ZNF35: variants seen among roughly 807,000 people sequenced by gnomAD.
ZNF35 encodes zinc finger protein 35 (clone HF.10).
ZNF35 carries 31 observed loss-of-function variants against 45.9 expected under a neutral mutation model. The observed-to-expected ratio is 0.68, with a 90% CI of 0.51 to 0.91. The LOEUF (loss-of-function observed/expected upper bound fraction) is 0.91. Ranked by LOEUF, ZNF35 falls within the 40% of genes least tolerant of loss-of-function variation. The probability of loss-of-function intolerance (pLI) is 0.00; values close to 1 mark genes in which losing one functional copy is unlikely to be tolerated. For missense variants in ZNF35, 515 were observed against 625.4 expected (o/e 0.82, Z 1.88); for synonymous variants, 205 against 220.2 (o/e 0.93, Z 0.61).
Position 44,651,044 on chromosome 3 carries a change from G to A in ZNF35, c.-24G>A. The A allele has an allele frequency of 6.2e-7, 1 of 1,608,560 alleles. No homozygotes were observed. The highest frequency in any genetic ancestry group is 8.5e-7 in the Non-Finnish European group (1 of 1,178,396). ...TCTGCAGGGCAGCGCCCAGCTATAG[G>A]AGTTCCCCTGCTGAGCAGAGAAGAT... On this transcript the variant is annotated 5_prime_UTR_variant, in exon 2 of 4. Transcript: ENST00000396056.
At chr3:44,650,795 T>A (rs1031754304) in intron 1 of ZNF35, 146 bp from the exon 2 acceptor site, 6 of 337,868 alleles carry the variant, frequency 1.8e-5, no homozygotes, top group African/African-American at 1.3e-4. Context: ...CCCTTCATCC[T>A]ATGAGGGAGG....
chr3:44,649,029 A>C (rs899139517), intron 1 of ZNF35, among the ~76,000 whole-genome samples, 195 bp downstream of exon 1: 2 of 152,152 alleles, frequency 1.3e-5, no homozygotes, highest in Non-Finnish European at 2.9e-5. Context: ...GGTCCGGGAG[A>C]GGATGCACAC....
At chr3:44,657,260 C>T (rs1389620779) in intron 3 of ZNF35, among the ~76,000 whole-genome samples, 2 of 152,182 alleles carry the variant, frequency 1.3e-5, no homozygotes, top group African/African-American at 4.8e-5. Flanking sequence ...GGGTGCTAGT[C>T]TCTCCCCTGC....
intron 2 of ZNF35, 23 bp from the exon 3 acceptor site, chr3:44,652,534 A>G (rs1383627150): frequency 1.3e-6 from 2 of 1,540,328 alleles, no homozygotes; most frequent in African/African-American, 2.8e-5. Context: ...TTCCCTCTTA[A>G]ACATGTGCCT....
chr3:44,656,346 G>A (rs1265660604), intron 3 of ZNF35, among the ~76,000 whole-genome samples: 6 of 150,704 alleles, frequency 4.0e-5, no homozygotes, highest in Admixed American at 6.6e-5. Flanking sequence ...GAGGGAGCTA[G>A]CAGAACAGTA....
intron 3 of ZNF35, among the ~76,000 whole-genome samples, chr3:44,655,910 A>G (rs766675096): frequency 4.0e-4 from 61 of 152,220 alleles, no homozygotes; most frequent in Non-Finnish European, 8.1e-4. Flanking sequence ...GGAGGGTAGG[A>G]GTGAAAGTCA....
chr3:44,646,612 A>C, upstream of ZNF35: 5 of 801,726 alleles, frequency 6.2e-6, no homozygotes, highest in South Asian at 7.2e-5. Context: ...TATTATGATG[A>C]AAAAGAGAGG....
chr3:44,659,315 A>G lies in ZNF35; in HGVS notation c.952A>G (p.Ser318Gly). 1 of 1,614,152 alleles carries G rather than the reference A, an allele frequency of 6.2e-7. No homozygotes were observed. The highest frequency in any genetic ancestry group is 1.1e-5 in the South Asian group (1 of 91,064). The change falls in exon 4 of 4, where the codon AGC (serine) becomes GGC (glycine). Residue 318 changes from serine to glycine, a missense_variant. Physicochemically the swap from Ser to Gly is moderately conservative, Grantham distance 56. Around this residue, in one of 3 missense-constraint regions of ZNF35, gnomAD observed 232 missense variants for 304.6 expected, o/e 0.76. Transcript: ENST00000396056. The surrounding 1 kb of genome is among the most constrained non-coding windows in gnomAD (Gnocchi z 4.3). ...TGAATGTGAGAAAGCCTTTAGTTAC[A>G]GCTCACAACTTGCTCGGCACCAGAA... ...CNECEKAFSY[S>G]SQLARHQKVH...
upstream of ZNF35, chr3:44,646,624 G>A (rs1702974664): frequency 5.3e-6 from 4 of 760,686 alleles, no homozygotes; most frequent in Non-Finnish European, 9.3e-6. Flanking sequence ...AAAGAGAGGG[G>A]AGTGAAAATT....
intron 1 of ZNF35, among the ~76,000 whole-genome samples, chr3:44,650,513 A>G (rs1439216656): frequency 6.6e-6 from 1 of 152,228 alleles, no homozygotes; most frequent in Non-Finnish European, 1.5e-5. Flanking sequence ...GAAAATATGT[A>G]TCCCCAAAGT....
chr3:44,654,440 T>C (rs1225286023), intron 3 of ZNF35, among the ~76,000 whole-genome samples: 4 of 152,198 alleles, frequency 2.6e-5, no homozygotes, highest in Admixed American at 2.6e-4. Context: ...GGTGTGTTCA[T>C]TAAGTACAGG....
upstream of ZNF35, chr3:44,646,518 A>G (rs750882943): frequency 3.9e-6 from 6 of 1,524,358 alleles, no homozygotes; most frequent in Non-Finnish European, 5.5e-6. Flanking sequence ...AGGCAGAGGA[A>G]CAAATAAAAG....
rs1398143855 is a variant in ZNF35, at chr3:44,659,095, C to T, written c.732C>T (p.His244=). The T allele has an allele frequency of 6.2e-7, 1 of 1,614,068 alleles. No individual in the cohort carries two copies. The highest frequency in any genetic ancestry group is 2.2e-5 in the East Asian group (1 of 44,898). ...SANLVVHQRI[H]TGEKPFECHE... is the part of the protein sequence containing the mutation. ...ACCTCGTTGTGCATCAGCGAATCCA[C>T]ACTGGAGAGAAACCCTTTGAATGTC... Residue 244 remains histidine (H), a synonymous_variant, in exon 4 of 4, where the codon CAC becomes CAT. Transcript: ENST00000396056. The surrounding 1 kb of genome is among the most constrained non-coding windows in gnomAD (Gnocchi z 4.3).
chr3:44,647,724 C>G (rs1488944589), upstream of ZNF35: 2 of 152,098 alleles, frequency 1.3e-5, no homozygotes, highest in Non-Finnish European at 2.9e-5. Flanking sequence ...TGAAAATATT[C>G]ATATAACATT....
chr3:44,654,140 C>G (rs1703253476), intron 3 of ZNF35, among the ~76,000 whole-genome samples: 2 of 152,174 alleles, frequency 1.3e-5, no homozygotes, highest in Admixed American at 1.3e-4. Context: ...AGTCTTAACC[C>G]CAACAGCTGC....
chr3:44,649,712 GC>G (rs1009192681), intron 1 of ZNF35, among the ~76,000 whole-genome samples: 1 of 149,746 alleles, frequency 6.7e-6, no homozygotes, highest in South Asian at 2.1e-4. Context: ...GAATAATTCA[GC>G]AAAAAAAAAA....
At chr3:44,653,197 A>G (rs1194996658) in intron 3 of ZNF35, among the ~76,000 whole-genome samples, 1 of 152,102 alleles carries the variant, frequency 6.6e-6, no homozygotes, top group African/African-American at 2.4e-5. Flanking sequence ...ATTTAACCCA[A>G]AACAAGGGGC....
At chr3:44,657,108 T>C (rs1023540675) in intron 3 of ZNF35, among the ~76,000 whole-genome samples, 1 of 152,200 alleles carries the variant, frequency 6.6e-6, no homozygotes, top group Non-Finnish European at 1.5e-5. Context: ...TGATAGAATT[T>C]CAGATTACCA....
chr3:44,651,035 C>G lies in ZNF35; in HGVS notation c.-33C>G. ...GGTTTGACCTCTGCAGGGCAGCGCCCAGCTATAGGAGTTCCCCTGCTGAGC... is the reference window on the plus strand; with the variant it reads ...GGTTTGACCTCTGCAGGGCAGCGCCGAGCTATAGGAGTTCCCCTGCTGAGC... On this transcript the variant is annotated 5_prime_UTR_variant, in exon 2 of 4. Transcript: ENST00000396056. The G allele has an allele frequency of 1.9e-6, 3 of 1,599,694 alleles. No homozygotes were observed. In the Admixed American group the frequency reaches 5.3e-5, roughly 28 times the overall value.
Sources: allele counts gnomAD v4.1 joint callset (sites outside exome capture counted in the v4.1 genomes callset), GRCh38; gene constraint gnomAD v4.1.1; regional missense constraint gnomAD v4.1.1; non-coding constraint Gnocchi (gnomAD v3.1); transcripts MANE v1.5; gene names NCBI Gene and HGNC (gene_info 2026-07-23, HGNC 2026-07-21).